ARHGAP31: variants seen among roughly 807,000 people sequenced by gnomAD.
The protein encoded by ARHGAP31 is Rho GTPase activating protein 31, also known as rho GTPase-activating protein 31.
In ARHGAP31, 34 loss-of-function variants were observed where a neutral mutation model predicts 113.9. That is an observed-to-expected ratio of 0.30 (90% confidence interval 0.23 to 0.40). ARHGAP31 has a LOEUF of 0.40. ARHGAP31 is among the 10% of genes least tolerant of loss of function. The probability of loss-of-function intolerance (pLI) is 1.00; values close to 1 mark genes in which losing one functional copy is unlikely to be tolerated. For missense variants in ARHGAP31, 1,548 were observed against 1,767.1 expected (o/e 0.88, Z 2.22); for synonymous variants, 650 against 684.8 (o/e 0.95, Z 0.79).
At chr3:119,399,083 A>T in intron 8 of ARHGAP31, 116 bp from the exon 9 acceptor site, 1 of 841,494 alleles carries the variant, frequency 1.2e-6, no homozygotes, top group Non-Finnish European at 2.0e-6. Context: ...GATCAATTAT[A>T]CTTGAAAAAC....
intron 1 of ARHGAP31, among the ~76,000 whole-genome samples, chr3:119,325,512 A>C (rs2079832748): frequency 6.6e-6 from 1 of 151,890 alleles, no homozygotes; most frequent in Non-Finnish European, 1.5e-5. Flanking sequence ...GCCTCTTCCC[A>C]CTCACACTGT....
rs1328686517 is a variant in ARHGAP31 at position 119,390,830 on chromosome 3, T to C, written c.728T>C (p.Leu243Pro). 2 of 1,613,530 alleles carry C rather than the reference T, an allele frequency of 1.2e-6. No homozygotes were observed. The highest frequency in any genetic ancestry group is 1.7e-5 in the Admixed American group (1 of 60,020). ...MKSLTLPALS[L>P]PMKLVSLEEA... ...AGCCTGACCTTGCCAGCCCTCTCCC[T>C]GCCCATGAAGCTGGTGAGCCTTGAG... Residue 243 changes from leucine (L) to proline (P), a missense_variant, in exon 7 of 12, where the codon CTG becomes CCG. Physicochemically the swap from Leu to Pro is moderately conservative, Grantham distance 98. Coordinates refer to ENST00000264245, the MANE Select transcript of ARHGAP31 (RefSeq NM_020754.4).
intron 3 of ARHGAP31, among the ~76,000 whole-genome samples, chr3:119,371,082 A>G (rs564350167): frequency 1.8e-4 from 27 of 152,346 alleles, no homozygotes; most frequent in African/African-American, 6.5e-4. Flanking sequence ...TGTTTTCAAT[A>G]TAGTTGTAAT....
intron 9 of ARHGAP31, among the ~76,000 whole-genome samples, chr3:119,400,381 C>T (rs943854415): frequency 6.6e-6 from 1 of 151,820 alleles, no homozygotes; most frequent in Non-Finnish European, 1.5e-5. Context: ...GGCTGAGGCA[C>T]GAGAATCGTT....
chr3:119,305,455 T>C (rs2079623441), intron 1 of ARHGAP31, among the ~76,000 whole-genome samples: 2 of 152,208 alleles, frequency 1.3e-5, no homozygotes, highest in Non-Finnish European at 1.5e-5. Context: ...CTGGGTATTA[T>C]TGGGAAACAA....
intron 1 of ARHGAP31, among the ~76,000 whole-genome samples, chr3:119,328,020 C>T (rs924052899): frequency 6.6e-6 from 1 of 152,048 alleles, no homozygotes; most frequent in Non-Finnish European, 1.5e-5. Flanking sequence ...AAATAAATTG[C>T]CTTCCCAAGG....
chr3:119,314,262 C>T (rs976729650), intron 1 of ARHGAP31: 5 of 152,358 alleles, frequency 3.3e-5, no homozygotes, highest in African/African-American at 1.2e-4. Flanking sequence ...TGCACCTCAG[C>T]TCGGATGTCT....
At chr3:119,392,051 C>T (rs1181616108) in intron 7 of ARHGAP31, among the ~76,000 whole-genome samples, 5 of 152,106 alleles carry the variant, frequency 3.3e-5, no homozygotes, top group African/African-American at 4.8e-5. Context: ...CCCAAAGGTA[C>T]GCTACCCTAT....
intron 1 of ARHGAP31, among the ~76,000 whole-genome samples, chr3:119,297,630 A>G (rs1226209801): frequency 6.6e-6 from 1 of 152,224 alleles, no homozygotes; most frequent in Non-Finnish European, 1.5e-5. Context: ...GTGGAGGACA[A>G]AGCGGGGTGA....
intron 1 of ARHGAP31, among the ~76,000 whole-genome samples, chr3:119,321,915 A>C (rs2079791073): frequency 6.6e-6 from 1 of 152,172 alleles, no homozygotes; most frequent in African/African-American, 2.4e-5. Context: ...AGCCTCCCAA[A>C]GTGCTGGGAT....
At chr3:119,395,735 G>A (rs1226396167) in intron 8 of ARHGAP31, among the ~76,000 whole-genome samples, 2 of 152,140 alleles carry the variant, frequency 1.3e-5, no homozygotes, top group Non-Finnish European at 2.9e-5. Context: ...CCAACCCCTT[G>A]CATGAGGAAT....
At chr3:119,372,799 A>G (rs2080313324) in intron 3 of ARHGAP31, among the ~76,000 whole-genome samples, 1 of 152,224 alleles carries the variant, frequency 6.6e-6, no homozygotes, top group South Asian at 2.1e-4. Context: ...ACAGATCATT[A>G]AAATGAGGCT....
intron 1 of ARHGAP31, among the ~76,000 whole-genome samples, chr3:119,347,781 G>C (rs10511387): frequency 0.14 from 20,806 of 152,168 alleles, 1,672 homozygotes; most frequent in African/African-American, 0.23. Context: ...GGCTACTCTT[G>C]AATCAGATCT....
intron 1 of ARHGAP31, among the ~76,000 whole-genome samples, chr3:119,342,901 A>G (rs752527622): frequency 4.6e-5 from 7 of 152,134 alleles, no homozygotes; most frequent in Non-Finnish European, 8.8e-5. Context: ...GTGAGCCGAG[A>G]TTATACCATT....
chr3:119,402,586 C>T (rs2080622253), intron 10 of ARHGAP31, among the ~76,000 whole-genome samples, 189 bp downstream of exon 10: 1 of 152,108 alleles, frequency 6.6e-6, no homozygotes, highest in Non-Finnish European at 1.5e-5. Context: ...CTCTGTGCCT[C>T]GGTTTCTTAA....
chr3:119,299,670 G>A (rs2079563394), intron 1 of ARHGAP31, among the ~76,000 whole-genome samples: 1 of 152,120 alleles, frequency 6.6e-6, no homozygotes, highest in East Asian at 1.9e-4. Flanking sequence ...AAAAAAAGAT[G>A]GGCTGCAAGC....
intron 8 of ARHGAP31, 70 bp from the exon 9 acceptor site, chr3:119,399,129 C>A: frequency 9.9e-6 from 14 of 1,416,028 alleles, no homozygotes; most frequent in Non-Finnish European, 1.4e-5. Flanking sequence ...ACTTAAACAG[C>A]CTGACCTATT....
At chr3:119,343,642 C>T (rs2107613595) in intron 1 of ARHGAP31, among the ~76,000 whole-genome samples, 1 of 152,304 alleles carries the variant, frequency 6.6e-6, no homozygotes, top group South Asian at 2.1e-4. Context: ...AGGAGCAGAG[C>T]CACCAGGAGG....
At chr3:119,367,089 T>C (rs1367346298) in intron 2 of ARHGAP31, among the ~76,000 whole-genome samples, 1 of 117,296 alleles carries the variant, frequency 8.5e-6, no homozygotes, top group East Asian at 2.3e-4. Context: ...TGAAACTCCA[T>C]CTAAAAAAAA....
Sources: gnomAD v4.1 joint callset for allele counts (sites outside exome capture counted in the v4.1 genomes callset) on GRCh38, gnomAD v4.1.1 for gene constraint, MANE v1.5 for transcripts, NCBI Gene and HGNC (gene_info 2026-07-23, HGNC 2026-07-21) for gene names.